The following CCDC149 variants were observed in gnomAD, a reference collection of about 807,000 sequenced individuals.
CCDC149 encodes coiled-coil domain-containing protein 149.
Under a neutral mutation model 59.9 loss-of-function variants are expected in CCDC149, and 45 were observed. That is an observed-to-expected ratio of 0.75 (90% CI 0.59 to 0.96). The LOEUF is 0.96. Ranked by LOEUF, CCDC149 falls within the 40% of genes least tolerant of loss-of-function variation. The probability of loss-of-function intolerance (pLI) is 0.00; values close to 1 mark genes in which losing one functional copy is unlikely to be tolerated. For synonymous variants in CCDC149, 245 were observed against 260.6 expected, an observed-to-expected ratio of 0.94 and a Z score of 0.58; for missense variants, 584 against 664.7, an observed-to-expected ratio of 0.88 and a Z score of 1.33.
intron 1 of CCDC149, among the ~76,000 whole-genome samples, chr4:24,891,991 C>T (rs533984113): frequency 1.1e-4 from 16 of 151,888 alleles, no homozygotes; most frequent in Admixed American, 4.6e-4. Context: ...AGAGTGAGAC[C>T]CTGTCTCAAA....
intron 12 of CCDC149, 113 bp from the exon 13 acceptor site, chr4:24,808,932 C>T: frequency 9.3e-7 from 1 of 1,073,432 alleles, no homozygotes; most frequent in Non-Finnish European, 1.3e-6. Context: ...GAAAAAGGAG[C>T]AAGACTTTTT....
chr4:24,944,711 G>A (rs186814163), intron 1 of CCDC149, among the ~76,000 whole-genome samples: 203 of 152,294 alleles, frequency 1.3e-3, no homozygotes, highest in Middle Eastern at 6.8e-3. Flanking sequence ...GTATACGTAT[G>A]TAACAAACCT....
At chr4:24,929,374 T>C (rs1004588396) in intron 1 of CCDC149, among the ~76,000 whole-genome samples, 1 of 152,168 alleles carries the variant, frequency 6.6e-6, no homozygotes, top group Non-Finnish European at 1.5e-5. Flanking sequence ...TTACAAAATC[T>C]CTTCTCCCTC....
intron 1 of CCDC149, among the ~76,000 whole-genome samples, chr4:24,906,099 C>T (rs927351547): frequency 1.3e-5 from 2 of 152,200 alleles, no homozygotes; most frequent in Non-Finnish European, 2.9e-5. Flanking sequence ...CCACCACACT[C>T]ACAAGAAAGA....
chr4:24,835,044 T>G lies in CCDC149; in HGVS notation c.736-12A>C, dbSNP rs1577393951. The G allele has an allele frequency of 6.2e-7, 1 of 1,604,990 alleles. No individual in the cohort carries two copies. Among genetic ancestry groups the G allele is most frequent in the East Asian group, 2.2e-5 (1 of 44,820 alleles). ...CTCTCCAGAGCATTCTAAAACAGGA[T>G]TGGGAGAGAATAAAAACCCGTCAGA... On this transcript the variant is annotated splice_polypyrimidine_tract_variant and intron_variant, in intron 7 of 12. Coordinates refer to ENST00000635206, the MANE Select transcript of CCDC149 (RefSeq NM_001330643.2).
chr4:24,917,373 T>C (rs1311348565), upstream of CCDC149, among the ~76,000 whole-genome samples: 1 of 152,192 alleles, frequency 6.6e-6, no homozygotes, highest in Non-Finnish European at 1.5e-5. Flanking sequence ...TGAGTGGGGC[T>C]GATGACGGCC....
intron 12 of CCDC149, among the ~76,000 whole-genome samples, chr4:24,817,195 A>C (rs1322603219): frequency 6.6e-6 from 1 of 152,186 alleles, no homozygotes; most frequent in Non-Finnish European, 1.5e-5. Flanking sequence ...CCCGAGGCTC[A>C]GCAAGCCTAG....
intron 4 of CCDC149, among the ~76,000 whole-genome samples, 186 bp downstream of exon 4, chr4:24,852,886 C>T (rs1170083314): frequency 1.3e-5 from 2 of 152,076 alleles, no homozygotes; most frequent in African/African-American, 4.8e-5. Context: ...CATATACATG[C>T]ATGCACACAC....
rs1259081622 is a variant in CCDC149, at chr4:24,964,893, T to C, written c.-65+15176A>G. 2.1e-5 allele frequency among the ~76,000 whole-genome samples: 3 copies of C among 143,932 alleles called. 1 individual carries two copies. Among genetic ancestry groups the C allele is most frequent in the Admixed American group, 7.1e-5 (1 of 14,164 alleles). 94.4% of individuals were successfully genotyped at this position (143,932 alleles called of 152,430 possible). A position where few individuals can be genotyped will look rare whatever the true frequency, so the allele number is the denominator to read the frequency against. ...ATTCAAAGACAGTAGGTTTCTCATC[T>C]GAAATCATGGAAGTCAGAAAGAACT... is the stretch of plus-strand genomic sequence containing the variant. On this transcript the variant is annotated intron_variant, in intron 1 of 12. Transcript: ENST00000389609.
chr4:24,907,598 G>C (rs572396723), intron 1 of CCDC149, among the ~76,000 whole-genome samples: 3 of 152,170 alleles, frequency 2.0e-5, no homozygotes, highest in Non-Finnish European at 4.4e-5. Flanking sequence ...GGGAGGCTTA[G>C]ACTAAAGCCA....
At chr4:24,971,826 A>G (rs184475379) in intron 1 of CCDC149, among the ~76,000 whole-genome samples, 56 of 152,318 alleles carry the variant, frequency 3.7e-4, no homozygotes, top group Admixed American at 2.4e-3. Flanking sequence ...AAACATTTAC[A>G]ATCTATTATC....
At chr4:24,824,463 C>A (rs1011537897) in intron 9 of CCDC149, among the ~76,000 whole-genome samples, 3 of 152,226 alleles carry the variant, frequency 2.0e-5, no homozygotes, top group Admixed American at 6.5e-5. Context: ...CCGTAATACA[C>A]ATCAGAGGCC....
chr4:24,968,483 C>T (rs900301648), intron 1 of CCDC149, among the ~76,000 whole-genome samples: 31 of 149,464 alleles, frequency 2.1e-4, no homozygotes, highest in African/African-American at 6.8e-4. Context: ...GTACAAGTCC[C>T]TTAGCAACAG....
At chr4:24,932,395 G>C (rs1722622030) in intron 1 of CCDC149, among the ~76,000 whole-genome samples, 1 of 152,188 alleles carries the variant, frequency 6.6e-6, no homozygotes, top group Non-Finnish European at 1.5e-5. Flanking sequence ...CTTCACAGAA[G>C]ATAGAATGGG....
chr4:24,966,044 G>A (rs1723786774), intron 1 of CCDC149, among the ~76,000 whole-genome samples: 1 of 152,200 alleles, frequency 6.6e-6, no homozygotes, highest in Non-Finnish European at 1.5e-5. Context: ...GATTCCTCAA[G>A]TGTTTTTCCA....
chr4:24,831,544 C>G lies in CCDC149; in HGVS notation c.927G>C (p.Glu309Asp). ...TCTGGTGCTGAATGACCATGTTTTT[C>G]TCGTGGATTGTTTCCAACAGGGCTG... Residue 309 changes from glutamate (E) to aspartate (D), a missense_variant, in exon 9 of 13, where the codon GAG becomes GAC. Glu to Asp is a conservative substitution (Grantham distance 45). Coordinates refer to ENST00000635206, the MANE Select transcript of CCDC149 (RefSeq NM_001330643.2). 2 of 1,614,052 alleles carry G rather than the reference C, an allele frequency of 1.2e-6. No individual in the cohort carries two copies. Among genetic ancestry groups the G allele is most frequent in the Non-Finnish European group, 1.7e-6 (2 of 1,180,016 alleles).
In CCDC149 at chr4:24,927,159, G is replaced by A. The variant is rs549782830; in HGVS notation, c.-64-32041C>T. 2.4e-4 allele frequency among the ~76,000 whole-genome samples: 36 copies of A among 152,350 alleles called. 1 individual carries two copies. The highest frequency in any genetic ancestry group is 7.5e-4 in the African/African-American group (31 of 41,582). ...CATATTGTAAAGGAGTACATGAGATGTGAGGTTCTTGCAGCCATCTTTCGA... is the reference window on the plus strand; with the variant it reads ...CATATTGTAAAGGAGTACATGAGATATGAGGTTCTTGCAGCCATCTTTCGA... On this transcript the variant is annotated intron_variant, in intron 1 of 12. Coordinates refer to the CCDC149 transcript ENST00000389609.
chr4:24,943,792 G>A (rs895662678), intron 1 of CCDC149, among the ~76,000 whole-genome samples: 6 of 152,150 alleles, frequency 3.9e-5, no homozygotes, highest in East Asian at 3.8e-4. Context: ...CATTTATGTC[G>A]CCAAAAAACA....
chr4:24,833,476 T>G (rs761031352), intron 8 of CCDC149, among the ~76,000 whole-genome samples: 8 of 152,060 alleles, frequency 5.3e-5, no homozygotes, highest in Admixed American at 1.3e-4. Flanking sequence ...ACACAAAAAT[T>G]AGCTGGGCAT....
Sources: allele counts gnomAD v4.1 joint callset (sites outside exome capture counted in the v4.1 genomes callset), GRCh38; gene constraint gnomAD v4.1.1; transcripts MANE v1.5; gene names NCBI Gene and HGNC (gene_info 2026-07-23, HGNC 2026-07-21).